Variants in ATAD2B observed in about 807,000 individuals in gnomAD.
ATAD2B encodes ATPase family AAA domain containing 2B, also known as ATPase family AAA domain-containing protein 2B.
In ATAD2B, 40 loss-of-function variants were observed where a neutral mutation model predicts 167.6. The observed-to-expected ratio is 0.24, with a 90% confidence interval of 0.19 to 0.31. The LOEUF is 0.31. Ranked by LOEUF, ATAD2B falls within the 10% of genes least tolerant of loss-of-function variation. The pLI is 1.00. For missense variants in ATAD2B, 1,242 were observed against 1,757.2 expected, an observed-to-expected ratio of 0.71 and a Z score of 5.24; for synonymous variants, 579 against 596.5, an observed-to-expected ratio of 0.97 and a Z score of 0.43.
chr2:23,883,696 A>T, intron 6 of ATAD2B: 1 of 854,664 alleles, frequency 1.2e-6, no homozygotes, highest in South Asian at 1.6e-5. Flanking sequence ...ACCTCTTCAA[A>T]ATTGACTAAT....
Position 23,822,775 on chromosome 2 carries a change from G to A in ATAD2B, c.2131+483C>T, listed in dbSNP as rs143358720. 4.6e-3 allele frequency among the ~76,000 whole-genome samples: 693 copies of A among 151,630 alleles called. 3 individuals carry two copies. The highest frequency in any genetic ancestry group is 6.4e-3 in the Non-Finnish European group (437 of 67,892). On this transcript the variant is annotated intron_variant, in intron 16 of 27. Coordinates refer to ENST00000238789, the MANE Select transcript of ATAD2B (RefSeq NM_017552.4). ...TACTAAAAATACAAAAAAATTAGCC[G>A]GGCGTGGTGGCAGGTGCCTGAAATC...
the ATAD2B span, among the ~76,000 whole-genome samples, chr2:23,710,951 G>A: frequency 2.6e-5 from 4 of 152,138 alleles, no homozygotes; most frequent in East Asian, 7.7e-4. Context: ...CTCATTTACT[G>A]ACACTAACAA....
chr2:23,687,049 T>A, the ATAD2B span, among the ~76,000 whole-genome samples: 3 of 152,026 alleles, frequency 2.0e-5, no homozygotes, highest in African/African-American at 7.2e-5. Context: ...GTCTTTTCAG[T>A]CCCCTTGGCA....
intron 1 of ATAD2B, among the ~76,000 whole-genome samples, chr2:23,910,269 C>G (rs1442768479): frequency 1.3e-5 from 2 of 151,078 alleles, no homozygotes; most frequent in African/African-American, 4.9e-5. Flanking sequence ...ACCTCCACCT[C>G]CCGGGTTCAA....
the ATAD2B span, among the ~76,000 whole-genome samples, chr2:23,726,110 C>T: frequency 6.6e-6 from 1 of 152,208 alleles, no homozygotes. Flanking sequence ...CACTCATGCA[C>T]ATTCATTTTA....
At chr2:23,868,922 T>C (rs560802988) in intron 9 of ATAD2B, among the ~76,000 whole-genome samples, 21 of 152,316 alleles carry the variant, frequency 1.4e-4, no homozygotes, top group Admixed American at 3.9e-4. Flanking sequence ...AAATATATTA[T>C]CAAAGTAGAT....
intron 15 of ATAD2B, among the ~76,000 whole-genome samples, chr2:23,827,559 A>AC: frequency 6.6e-6 from 1 of 152,340 alleles, no homozygotes; most frequent in East Asian, 1.9e-4. Flanking sequence ...AGAAAAATCT[A>AC]CAAAGATTTC....
intron 22 of ATAD2B, among the ~76,000 whole-genome samples, chr2:23,768,462 T>C (rs1478970506): frequency 2.6e-5 from 4 of 152,040 alleles, no homozygotes; most frequent in Non-Finnish European, 5.9e-5. Flanking sequence ...TCCCAACTAC[T>C]TGAGAAGCTG....
At chr2:23,876,377 C>T (rs1696844555) in intron 7 of ATAD2B, among the ~76,000 whole-genome samples, 2 of 151,794 alleles carry the variant, frequency 1.3e-5, no homozygotes, top group African/African-American at 2.4e-5. Context: ...TCTCGGCTCA[C>T]TGCAAACTCT....
intron 22 of ATAD2B, among the ~76,000 whole-genome samples, chr2:23,780,066 G>A (rs560206375): frequency 7.2e-5 from 11 of 152,156 alleles, no homozygotes; most frequent in East Asian, 3.9e-4. Context: ...GCAACATGGC[G>A]AGACCTCTTC....
intron 22 of ATAD2B, among the ~76,000 whole-genome samples, chr2:23,771,480 A>G (rs941231214): frequency 1.3e-5 from 2 of 152,352 alleles, no homozygotes; most frequent in South Asian, 2.1e-4. Context: ...GATAGGGGGA[A>G]TAATTTTGTT....
At chr2:23,880,790 CATT>C in intron 6 of ATAD2B, 35 bp from the exon 7 acceptor site, 1 of 1,274,972 alleles carries the variant, frequency 7.8e-7, no homozygotes, top group South Asian at 1.3e-5. Context: ...AAGAAAAAGG[CATT>C]ATTTTAATTC....
At chr2:23,844,901 G>A (rs1691496288) in intron 13 of ATAD2B, among the ~76,000 whole-genome samples, 1 of 151,224 alleles carries the variant, frequency 6.6e-6, no homozygotes. Flanking sequence ...ATGAGAAAAG[G>A]GGAGAAAACT....
intron 1 of ATAD2B, among the ~76,000 whole-genome samples, chr2:23,913,550 G>A (rs1400158047): frequency 2.0e-5 from 3 of 151,066 alleles, no homozygotes; most frequent in Admixed American, 6.6e-5. Flanking sequence ...TGAAGCAGGA[G>A]AATTGCTTTA....
chr2:23,838,112 T>C (rs1690300537), intron 13 of ATAD2B, among the ~76,000 whole-genome samples: 1 of 152,156 alleles, frequency 6.6e-6, no homozygotes, highest in Non-Finnish European at 1.5e-5. Flanking sequence ...GTTTCCAAAA[T>C]CTATAAGCGG....
At chr2:23,694,078 C>G in the ATAD2B span, among the ~76,000 whole-genome samples, 5 of 152,232 alleles carry the variant, frequency 3.3e-5, no homozygotes, top group Non-Finnish European at 7.3e-5. Context: ...ACAGTGACAG[C>G]CACAAGTCCC....
chr2:23,857,631 G>A (rs562195310), intron 12 of ATAD2B, 128 bp from the exon 13 acceptor site: 41 of 407,810 alleles, frequency 1.0e-4, no homozygotes, highest in Middle Eastern at 7.0e-4. Flanking sequence ...ATATAGCAAC[G>A]AGGAAATCTT....
chr2:23,728,212 A>G, the ATAD2B span, among the ~76,000 whole-genome samples: 14 of 152,162 alleles, frequency 9.2e-5, no homozygotes, highest in Non-Finnish European at 1.9e-4. Flanking sequence ...TTTTCTGTAA[A>G]TCTAAAACTG....
At chr2:23,838,777 A>ATATT in intron 13 of ATAD2B, among the ~76,000 whole-genome samples, 1 of 152,168 alleles carries the variant, frequency 6.6e-6, no homozygotes, top group South Asian at 2.1e-4. Context: ...TTAGGCATCC[A>ATATT]TATGTGTGTG....
Sources: gnomAD v4.1 joint callset for allele counts (sites outside exome capture counted in the v4.1 genomes callset) on GRCh38, gnomAD v4.1.1 for gene constraint, MANE v1.5 for transcripts, NCBI Gene and HGNC (gene_info 2026-07-23, HGNC 2026-07-21) for gene names.